ZSCAN9: variants seen among roughly 807,000 people sequenced by gnomAD.
ZSCAN9 encodes zinc finger and SCAN domain containing 9, also known as zinc finger and SCAN domain-containing protein 9.
Under a neutral mutation model 23.0 loss-of-function variants are expected in ZSCAN9, and 19 were observed. The observed-to-expected ratio is 0.83, with a 90% CI of 0.58 to 1.21. ZSCAN9 has a LOEUF of 1.21. ZSCAN9 is among the 50% of genes most tolerant of loss of function. The probability of loss-of-function intolerance (pLI) is 0.00; values close to 1 mark genes in which losing one functional copy is unlikely to be tolerated. For synonymous variants in ZSCAN9, 155 were observed against 164.8 expected (o/e 0.94, Z 0.46); for missense variants, 467 against 471.5 (o/e 0.99, Z 0.09).
chr6:28,228,628 C>CT (rs1178246398), intron 3 of ZSCAN9: 2 of 154,494 alleles, frequency 1.3e-5, no homozygotes, highest in Non-Finnish European at 2.9e-5. Context: ...CAGTATGTAC[C>CT]TCAGAAAGTC....
intron 3 of ZSCAN9, chr6:28,229,134 T>C (rs1397939216): frequency 4.6e-5 from 7 of 152,244 alleles, no homozygotes; most frequent in Non-Finnish European, 1.0e-4. Context: ...CTAGCAATTA[T>C]GGATTTCTAT....
intron 3 of ZSCAN9, among the ~76,000 whole-genome samples, chr6:28,232,328 C>T (rs749976024): frequency 9.9e-5 from 15 of 150,952 alleles, no homozygotes; most frequent in Non-Finnish European, 2.1e-4. Flanking sequence ...GACACTCTGG[C>T]TCAAAAAACA....
At chr6:28,227,611 C>T in intron 2 of ZSCAN9, 79 bp from the exon 3 acceptor site, 4 of 1,575,984 alleles carry the variant, frequency 2.5e-6, no homozygotes, top group Non-Finnish European at 2.6e-6. Context: ...TACTCTCTTC[C>T]TGTTTCCTTC....
At chr6:28,229,206 C>A (rs551337550) in intron 3 of ZSCAN9, 1 of 152,294 alleles carries the variant, frequency 6.6e-6, no homozygotes, top group African/African-American at 2.4e-5. Flanking sequence ...TCTGTGCAGA[C>A]CTTCTTATAG....
At chr6:28,228,950 C>T (rs1760204787) in intron 3 of ZSCAN9, 1 of 152,698 alleles carries the variant, frequency 6.5e-6, no homozygotes, top group Non-Finnish European at 1.5e-5. Flanking sequence ...TTGGCTCTAG[C>T]TTGTCTGATT....
chr6:28,233,177 AG>A lies in ZSCAN9; in HGVS notation c.*2del. The A allele has an allele frequency of 6.2e-7, 1 of 1,609,980 alleles. No homozygotes were observed. Among genetic ancestry groups the A allele is most frequent in the Non-Finnish European group, 8.5e-7 (1 of 1,176,848 alleles). On this transcript the variant is annotated frameshift_variant and stop_lost, in exon 4 of 4. Transcript: ENST00000252207. LOFTEE classifies it high-confidence loss of function. Reference protein sequence around the residue: ...QKIHTVAELV* With the variant: ...QKIHTVAELVX Reference sequence around the variant, plus strand: ...ATCCACACAGTGGCTGAGCTGGTCTAGGGCTTGGCTATGAGCAAGTTTTCCA... The same window carrying A: ...ATCCACACAGTGGCTGAGCTGGTCTAGGCTTGGCTATGAGCAAGTTTTCCA...
chr6:28,230,453 G>A (rs1760266548), intron 3 of ZSCAN9: 2 of 1,536,016 alleles, frequency 1.3e-6, no homozygotes, highest in Non-Finnish European at 1.7e-6. Context: ...AAAGGAGGAG[G>A]AGAAACATGG....
In ZSCAN9 at chr6:28,232,749, G is replaced by A. The variant is rs1362471866; in HGVS notation, c.756G>A (p.Gly252=). ...ERQWGNLLGE[G]QHKCDECGKS... ...AGTGGGGAAACCTCTTAGGAGAGGG[G>A]CAACACAAATGTGATGAATGTGGGA... The change falls in exon 4 of 4, where the codon GGG becomes GGA. Residue 252 remains glycine (G), a synonymous_variant. Coordinates refer to ENST00000252207, the MANE Select transcript of ZSCAN9 (RefSeq NM_006299.5). 1 of 1,614,096 alleles carries A rather than the reference G, an allele frequency of 6.2e-7. No homozygotes were observed. Among genetic ancestry groups the A allele is most frequent in the Non-Finnish European group, 8.5e-7 (1 of 1,180,052 alleles).
chr6:28,230,564 G>C lies in ZSCAN9; in HGVS notation c.569-1998G>C. 3 of 1,405,668 alleles carry C rather than the reference G, an allele frequency of 2.1e-6. No homozygotes were observed. The South Asian group carries it at 4.1e-5, about 19-fold the overall frequency. 87.1% of individuals were successfully genotyped at this position (1,405,668 alleles called of 1,614,324 possible). On this transcript the variant is annotated intron_variant, in intron 3 of 3. Transcript: ENST00000252207. ...GGCAAATATTTTGGTCAAAAGAGGA[G>C]GCCTGGGTCTGTTGTCCTCGGCCTT...
chr6:28,231,297 T>C (rs762176185), intron 3 of ZSCAN9, among the ~76,000 whole-genome samples: 11 of 152,096 alleles, frequency 7.2e-5, no homozygotes, highest in Non-Finnish European at 1.6e-4. Context: ...CAACAGTCAA[T>C]CTCATAACCA....
In ZSCAN9 at chr6:28,233,247, G is replaced by T; in HGVS notation, c.*69G>T. Reference sequence around the variant, plus strand: ...GTGGGGCAGGTTGAGACTAGAAAATGCCTCTTTCTTCCTTTCTCCATGAAA... The same window carrying T: ...GTGGGGCAGGTTGAGACTAGAAAATTCCTCTTTCTTCCTTTCTCCATGAAA... On this transcript the variant is annotated 3_prime_UTR_variant, in exon 4 of 4. Coordinates refer to ENST00000252207, the MANE Select transcript of ZSCAN9 (RefSeq NM_006299.5). The T allele has an allele frequency of 6.5e-7, 1 of 1,539,264 alleles. No individual in the cohort carries two copies. Among genetic ancestry groups the T allele is most frequent in the South Asian group, 1.3e-5 (1 of 78,630 alleles).
At chr6:28,231,237 C>A (rs1298415223) in intron 3 of ZSCAN9, among the ~76,000 whole-genome samples, 1 of 152,052 alleles carries the variant, frequency 6.6e-6, no homozygotes, top group East Asian at 1.9e-4. Context: ...CACTTTGGGG[C>A]CATTATTAAG....
At position 28,233,261 on chromosome 6, in the gene ZSCAN9, T is replaced by C; in HGVS notation, c.*83T>C. ...GACTAGAAAATGCCTCTTTCTTCCT[T>C]TCTCCATGAAATGTGTTTGAAACAA... On this transcript the variant is annotated 3_prime_UTR_variant, in exon 4 of 4. Coordinates refer to ENST00000252207, the MANE Select transcript of ZSCAN9 (RefSeq NM_006299.5). 1.3e-6 allele frequency: 2 copies of C among 1,525,510 alleles called. No homozygotes were observed. The highest frequency in any genetic ancestry group is 1.8e-6 in the Non-Finnish European group (2 of 1,141,004). 94.5% of individuals were successfully genotyped at this position (1,525,510 alleles called of 1,614,324 possible).
At chr6:28,225,254 C>G (rs1352085854), upstream of ZSCAN9, 1 of 152,084 alleles carries the variant, frequency 6.6e-6, no homozygotes, top group Non-Finnish European at 1.5e-5. Flanking sequence ...CTGCTCCGTC[C>G]GCCTTCGAGG....
At position 28,227,054 on chromosome 6, in the gene ZSCAN9, G is replaced by A. The variant is rs1016653889; in HGVS notation, c.-31G>A. On this transcript the variant is annotated 5_prime_UTR_variant, in exon 2 of 4. Coordinates refer to ENST00000252207, the MANE Select transcript of ZSCAN9 (RefSeq NM_006299.5). ...TTGTCTTGAAGCATAGCTCCAGCTG[G>A]AGGGTACCTTTTAAGCTGTTCAAGG... is the stretch of plus-strand genomic sequence containing the variant. 47 of 1,590,694 alleles carry A rather than the reference G, an allele frequency of 3.0e-5. No individual in the cohort carries two copies. The highest frequency in any genetic ancestry group is 3.4e-4 in the Middle Eastern group (2 of 5,954).
At position 28,227,696 on chromosome 6, in the gene ZSCAN9, G is replaced by A; in HGVS notation, c.427G>A (p.Ala143Thr). ...CTTGTCTTTTTGTCCCCAGATGGTG[G>A]CCCACAGACACAGACAAGAAGTCCT... ...ELDEPQHEMV[A>T]HRHRQEVLCK... Residue 143 changes from alanine to threonine, a missense_variant, in exon 3 of 4, where the codon GCC becomes ACC. By Grantham distance (58) the Ala-to-Thr change is moderately conservative. Coordinates refer to ENST00000252207, the MANE Select transcript of ZSCAN9 (RefSeq NM_006299.5). The A allele has an allele frequency of 6.3e-7, 1 of 1,590,672 alleles. No homozygotes were observed. Among genetic ancestry groups the A allele is most frequent in the South Asian group, 1.2e-5 (1 of 86,152 alleles).
intron 3 of ZSCAN9, among the ~76,000 whole-genome samples, chr6:28,231,704 A>AG (rs1760305775): frequency 1.3e-5 from 2 of 151,616 alleles, no homozygotes; most frequent in Admixed American, 6.6e-5. Context: ...CAGTGAGCCA[A>AG]GGGGCAACAG....
Position 28,227,271 on chromosome 6 carries a change from A to G in ZSCAN9, c.187A>G (p.Thr63Ala). Residue 63 changes from threonine to alanine, a missense_variant, in exon 2 of 4, where the codon ACC (threonine) becomes GCC (alanine). Physicochemically the swap from Thr to Ala is moderately conservative, Grantham distance 58. Coordinates refer to ENST00000252207, the MANE Select transcript of ZSCAN9 (RefSeq NM_006299.5). ...RHFRQLCYQE[T>A]PGPREALTRL... ...CTTTCGACAGCTGTGCTACCAAGAGACCCCTGGACCAAGGGAGGCTCTTAC... is the reference window on the plus strand; with the variant it reads ...CTTTCGACAGCTGTGCTACCAAGAGGCCCCTGGACCAAGGGAGGCTCTTAC... 6.2e-7 allele frequency: 1 copy of G among 1,614,066 alleles called. No individual in the cohort carries two copies. Among genetic ancestry groups the G allele is most frequent in the Non-Finnish European group, 8.5e-7 (1 of 1,179,992 alleles).
At chr6:28,232,379 G>A (rs1165947622) in intron 3 of ZSCAN9, among the ~76,000 whole-genome samples, 183 bp from the exon 4 acceptor site, 5 of 152,162 alleles carry the variant, frequency 3.3e-5, no homozygotes, top group Admixed American at 3.3e-4. Flanking sequence ...ACATGGGGAT[G>A]GACTGACCTG....
Sources: gnomAD v4.1 joint callset for allele counts (sites outside exome capture counted in the v4.1 genomes callset) on GRCh38, gnomAD v4.1.1 for gene constraint, MANE v1.5 for transcripts, NCBI Gene and HGNC (gene_info 2026-07-23, HGNC 2026-07-21) for gene names.